The following PCDHGA7 variants were observed in gnomAD, a reference collection of about 807,000 sequenced individuals.
PCDHGA7 encodes the protein protocadherin gamma subfamily A, 7, also known as protocadherin gamma-A7.
Under a neutral mutation model 58.3 loss-of-function variants are expected in PCDHGA7, and 44 were observed. The ratio of observed to expected loss-of-function variants is 0.75; its 90% CI spans 0.59 to 0.97. PCDHGA7 has a LOEUF of 0.97. Ranked by LOEUF, PCDHGA7 falls within the 50% of genes least tolerant of loss-of-function variation. The pLI, the probability that PCDHGA7 is intolerant of heterozygous loss-of-function variation, is 0.00. For synonymous variants in PCDHGA7, 516 were observed against 504.2 expected (o/e 1.02, Z -0.31); for missense variants, 1,266 against 1,188.7 (o/e 1.06, Z -0.96).
chr5:141,427,658 C>A, intron 1 of PCDHGA7: 2 of 738,894 alleles, frequency 2.7e-6, no homozygotes, highest in Non-Finnish European at 4.8e-6. Context: ...ACGTGGTCCA[C>A]GTGGCCGAAA....
chr5:141,465,893 C>A (rs926928579), intron 1 of PCDHGA7, among the ~76,000 whole-genome samples: 1 of 151,962 alleles, frequency 6.6e-6, no homozygotes, highest in Non-Finnish European at 1.5e-5. Context: ...GAGGCCGAGG[C>A]GGGCAAATCA....
chr5:141,385,051 C>A lies in PCDHGA7; in HGVS notation c.2152C>A (p.Arg718Ser), dbSNP rs1222079447. Residue 718 changes from arginine (R) to serine (S), a missense_variant, in exon 1 of 4, where the codon CGC becomes AGC. By Grantham distance (110) the Arg-to-Ser change is moderately radical. Transcript: ENST00000518325. The stretch of plus-strand genomic sequence containing the variant: ...CGTACTGCTGGCGCTCAGGCTGCGG[C>A]GCTGGCACAAGTCACGCCTGCTGCA... ...VLVLLALRLR[R>S]WHKSRLLQAS... The A allele has an allele frequency of 6.2e-7, 1 of 1,614,154 alleles. No homozygotes were observed. Among genetic ancestry groups the A allele is most frequent in the East Asian group, 2.2e-5 (1 of 44,880 alleles).
At chr5:141,443,874 A>G (rs2098409122) in intron 1 of PCDHGA7, among the ~76,000 whole-genome samples, 1 of 152,190 alleles carries the variant, frequency 6.6e-6, no homozygotes, top group Non-Finnish European at 1.5e-5. Flanking sequence ...AATTACTGAT[A>G]AGTCAAGAGA....
intron 1 of PCDHGA7, chr5:141,418,539 A>C (rs984639830): frequency 6.2e-7 from 1 of 1,614,034 alleles, no homozygotes; most frequent in East Asian, 2.2e-5. Flanking sequence ...GGTACTGCTC[A>C]GATAAGAATC....
chr5:141,431,320 C>T lies in PCDHGA7; in HGVS notation c.2424+45997C>T. On this transcript the variant is annotated intron_variant, in intron 1 of 3. Coordinates refer to ENST00000518325, the MANE Select transcript of PCDHGA7 (RefSeq NM_018920.4). The surrounding 1 kb of genome is among the most constrained non-coding windows in gnomAD (Gnocchi z 4.8). ...CCCTCATCGTGCAAAATGGAGCCGA[C>T]GGTAGTAAGTACCCCGAATTGGTGC... is the stretch of plus-strand genomic sequence containing the variant. 1 of 1,614,102 alleles carries T rather than the reference C, an allele frequency of 6.2e-7. No homozygotes were observed. Among genetic ancestry groups the T allele is most frequent in the Non-Finnish European group, 8.5e-7 (1 of 1,180,038 alleles).
chr5:141,478,179 A>C, intron 1 of PCDHGA7: 1 of 1,613,996 alleles, frequency 6.2e-7, no homozygotes, highest in Non-Finnish European at 8.5e-7. Context: ...GAGCAGAAAA[A>C]AAATCTCACC....
chr5:141,415,786 A>ATT, intron 1 of PCDHGA7: 2 of 1,374,914 alleles, frequency 1.5e-6, no homozygotes, highest in Non-Finnish European at 1.9e-6. Flanking sequence ...TTCTGGTAAA[A>ATT]TTCACCTAGT....
intron 1 of PCDHGA7, chr5:141,409,285 T>G (rs773096828): frequency 6.2e-7 from 1 of 1,613,966 alleles, no homozygotes; most frequent in South Asian, 1.1e-5. Context: ...AGAATTCACC[T>G]CCAGGAATGG....
At chr5:141,413,468 A>C in intron 1 of PCDHGA7, 1 of 1,614,072 alleles carries the variant, frequency 6.2e-7, no homozygotes, top group South Asian at 1.1e-5. Context: ...GACCGGGAGG[A>C]GCTCTGCGCT....
intron 1 of PCDHGA7, among the ~76,000 whole-genome samples, chr5:141,465,368 A>C (rs940928815): frequency 1.3e-5 from 2 of 152,114 alleles, no homozygotes; most frequent in Admixed American, 6.6e-5. Flanking sequence ...TGCCCTTTAA[A>C]GTTGTAAGAT....
At chr5:141,473,236 A>G (rs1314160781) in intron 1 of PCDHGA7, among the ~76,000 whole-genome samples, 1 of 152,200 alleles carries the variant, frequency 6.6e-6, no homozygotes, top group Non-Finnish European at 1.5e-5. Flanking sequence ...GGATCCACAC[A>G]AGTGAATACA....
At chr5:141,510,814 C>T in intron 3 of PCDHGA7, 133 bp from the exon 4 acceptor site, 2 of 1,544,688 alleles carry the variant, frequency 1.3e-6, no homozygotes, top group East Asian at 4.6e-5. Context: ...TTGGTGACCC[C>T]TATATTCCCA....
intron 1 of PCDHGA7, among the ~76,000 whole-genome samples, chr5:141,454,032 C>T (rs2098780173): frequency 6.6e-6 from 1 of 152,126 alleles, no homozygotes; most frequent in Non-Finnish European, 1.5e-5. Flanking sequence ...AAGAATTGGC[C>T]AGCAAAGATA....
At chr5:141,421,974 C>T in intron 1 of PCDHGA7, 3 of 1,609,644 alleles carry the variant, frequency 1.9e-6, no homozygotes, top group African/African-American at 1.3e-5. Flanking sequence ...CCGTATATCG[C>T]GTGAGTGTTC....
At chr5:141,404,521 G>A in intron 1 of PCDHGA7, 2 of 1,613,976 alleles carry the variant, frequency 1.2e-6, no homozygotes, top group Non-Finnish European at 1.7e-6. Flanking sequence ...TTGACTATGA[G>A]CAGTTTAGAG....
intron 1 of PCDHGA7, chr5:141,478,687 A>G: frequency 6.4e-7 from 1 of 1,551,218 alleles, no homozygotes; most frequent in Middle Eastern, 1.7e-4. Context: ...CCCTTCCTAG[A>G]TCAAAGTTAG....
rs147506725 is a variant in PCDHGA7, at chr5:141,442,240, G to A, written c.2425-52567G>A. Reference sequence around the variant, plus strand: ...CTTTAATTTCCTTTTTATTCTTCCTGATTGCATTGTTTGTGCTGGTTTTAA... The same window carrying A: ...CTTTAATTTCCTTTTTATTCTTCCTAATTGCATTGTTTGTGCTGGTTTTAA... On this transcript the variant is annotated intron_variant, in intron 1 of 3. Transcript: ENST00000518325. 1,291 of 153,334 alleles carry A rather than the reference G, an allele frequency of 8.4e-3. 26 individuals carry two copies. The highest frequency in any genetic ancestry group is 0.029 in the African/African-American group (1,208 of 41,552). 9.5% of individuals were successfully genotyped at this position (153,334 alleles called of 1,614,324 possible).
intron 1 of PCDHGA7, among the ~76,000 whole-genome samples, chr5:141,401,455 A>G (rs1589438348): frequency 6.6e-6 from 1 of 152,256 alleles, no homozygotes; most frequent in East Asian, 1.9e-4. Flanking sequence ...AATCATCCAA[A>G]TAATTTTCTA....
intron 1 of PCDHGA7, chr5:141,421,226 C>A (rs368125665): frequency 3.7e-5 from 58 of 1,584,718 alleles, no homozygotes; most frequent in Non-Finnish European, 4.6e-5. Context: ...TTAGAGCCTG[C>A]CATGGCGAAT....
Sources: allele counts gnomAD v4.1 joint callset (sites outside exome capture counted in the v4.1 genomes callset), GRCh38; gene constraint gnomAD v4.1.1; non-coding constraint Gnocchi (gnomAD v3.1); transcripts MANE v1.5; gene names NCBI Gene and HGNC (gene_info 2026-07-23, HGNC 2026-07-21).